Variants in LYST observed in about 807,000 individuals in gnomAD.
LYST encodes lysosomal trafficking regulator, also known as lysosomal-trafficking regulator.
In LYST, 192 loss-of-function variants were observed where a neutral mutation model predicts 413.6. The ratio of observed to expected loss-of-function variants is 0.46; its 90% confidence interval spans 0.41 to 0.52. The LOEUF is 0.52. Among genes scored for constraint, LYST ranks in the 20% least tolerant of loss-of-function variants. The probability of loss-of-function intolerance (pLI) is 0.00; values close to 1 mark genes in which losing one functional copy is unlikely to be tolerated. For missense variants in LYST, 3,815 were observed against 4,499.9 expected (o/e 0.85, Z 4.35); for synonymous variants, 1,525 against 1,567.3 (o/e 0.97, Z 0.64).
chr1:235,876,952 G>GC (rs1463596977), intron 1 of LYST, among the ~76,000 whole-genome samples: 1 of 152,190 alleles, frequency 6.6e-6, no homozygotes, highest in Non-Finnish European at 1.5e-5. Context: ...AGGTACAAAA[G>GC]CTTATCTGAT....
chr1:235,754,738 A>T (rs1274118884), intron 25 of LYST, among the ~76,000 whole-genome samples: 1 of 152,144 alleles, frequency 6.6e-6, no homozygotes, highest in Non-Finnish European at 1.5e-5. Flanking sequence ...AAGGTGACCA[A>T]AAGATTTCGT....
chr1:235,847,704 C>T (rs1336150349), intron 1 of LYST, among the ~76,000 whole-genome samples: 1 of 152,128 alleles, frequency 6.6e-6, no homozygotes, highest in Non-Finnish European at 1.5e-5. Flanking sequence ...TGGGAAAAGG[C>T]ATTTCATGCA....
intron 50 of LYST, 122 bp downstream of exon 50, chr1:235,676,969 G>A (rs776051229): frequency 1.1e-5 from 8 of 754,782 alleles, no homozygotes; most frequent in East Asian, 2.5e-5. Context: ...CATACATGCT[G>A]TTACCAAAGT....
At chr1:235,723,409 G>C (rs1572074001) in intron 39 of LYST, among the ~76,000 whole-genome samples, 1 of 152,228 alleles carries the variant, frequency 6.6e-6, no homozygotes, top group African/African-American at 2.4e-5. Context: ...TGAGGAAGGA[G>C]CCCTGCAACA....
At chr1:235,882,198 A>G (rs893259245) in intron 1 of LYST, among the ~76,000 whole-genome samples, 6 of 151,958 alleles carry the variant, frequency 3.9e-5, no homozygotes, top group African/African-American at 1.5e-4. Context: ...AAAAAAGAGG[A>G]GGAGTTTGGC....
intron 44 of LYST, among the ~76,000 whole-genome samples, chr1:235,703,672 T>C (rs1661725355): frequency 6.6e-6 from 1 of 152,156 alleles, no homozygotes; most frequent in East Asian, 1.9e-4. Context: ...AATGCCAAAA[T>C]AAAATTCCAA....
intron 40 of LYST, 133 bp from the exon 41 acceptor site, chr1:235,716,911 T>C: frequency 1.7e-6 from 1 of 603,048 alleles, no homozygotes; most frequent in South Asian, 2.2e-5. Context: ...CTTAAACATA[T>C]TGTTTTGTAA....
In LYST at chr1:235,741,521, C is replaced by G; in HGVS notation, c.8259G>C (p.Ser2753=). The change falls in exon 31 of 53, where the codon TCG becomes TCC. Residue 2753 remains serine, a synonymous_variant. Transcript: ENST00000389793. ...QLGRLLVHIL[S]PAHAAQERKQ... Reference sequence around the variant, plus strand: ...TTCTCTCTTGTGCAGCGTGGGCTGGCGACAAAATATGCACTAGTAGTCTCC... The same window carrying G: ...TTCTCTCTTGTGCAGCGTGGGCTGGGGACAAAATATGCACTAGTAGTCTCC... 1 of 1,613,864 alleles carries G rather than the reference C, an allele frequency of 6.2e-7. No homozygotes were observed. The highest frequency in any genetic ancestry group is 1.3e-5 in the African/African-American group (1 of 74,970).
At position 235,759,004 on chromosome 1, in the gene LYST, C is replaced by T. The variant is rs1335769893; in HGVS notation, c.6849G>A (p.Glu2283=). The change falls in exon 23 of 53, where the codon GAG becomes GAA. Residue 2283 remains glutamate (E), a synonymous_variant. Coordinates refer to ENST00000389793, the MANE Select transcript of LYST (RefSeq NM_000081.4). The part of the protein sequence containing the change: ...WENFAYSLGY[E]PNYNRTASAH... ...CACTTGCAGTTCGGTTGTAATTTGG[C>T]TCATAACCAAGAGAATAGGCAAAGT... is the stretch of plus-strand genomic sequence containing the variant. 4 of 1,613,866 alleles carry T rather than the reference C, an allele frequency of 2.5e-6. No homozygotes were observed. The highest frequency in any genetic ancestry group is 1.1e-5 in the South Asian group (1 of 91,082).
chr1:235,843,877 G>A (rs1225386167), intron 1 of LYST, among the ~76,000 whole-genome samples: 1 of 152,080 alleles, frequency 6.6e-6, no homozygotes, highest in African/African-American at 2.4e-5. Flanking sequence ...TTCACCAAAT[G>A]CCAAAAAATC....
At chr1:235,844,060 A>G (rs1300640004) in intron 1 of LYST, among the ~76,000 whole-genome samples, 2 of 152,242 alleles carry the variant, frequency 1.3e-5, no homozygotes, top group Non-Finnish European at 2.9e-5. Flanking sequence ...GTACAGAATA[A>G]TAAGTGCCCA....
chr1:235,676,306 G>A (rs1193010499), intron 50 of LYST, among the ~76,000 whole-genome samples: 1 of 152,078 alleles, frequency 6.6e-6, no homozygotes, highest in Non-Finnish European at 1.5e-5. Context: ...ATTTACGGGA[G>A]GCCAATGTTT....
At chr1:235,820,273 C>A (rs946975714) in intron 3 of LYST, among the ~76,000 whole-genome samples, 1 of 152,142 alleles carries the variant, frequency 6.6e-6, no homozygotes, top group Non-Finnish European at 1.5e-5. Context: ...CAGATGGGCA[C>A]CAGATGGCTA....
Position 235,709,208 on chromosome 1 carries a change from C to T in LYST, c.10026G>A (p.Arg3342=). The change falls in exon 44 of 53, where the codon CGG becomes CGA. Residue 3342 remains arginine, a synonymous_variant. Coordinates refer to ENST00000389793, the MANE Select transcript of LYST (RefSeq NM_000081.4). ...NDPRLFILIH[R]QALESDYVSQ... ...ACACGTAGTCAGACTCTAGAGCCTG[C>T]CGATGGATGAGGATAAAAAGACGAG... is the stretch of plus-strand genomic sequence containing the variant. 6.2e-7 allele frequency: 1 copy of T among 1,614,004 alleles called. No homozygotes were observed. Among genetic ancestry groups the T allele is most frequent in the Non-Finnish European group, 8.5e-7 (1 of 1,179,950 alleles).
chr1:235,728,751 G>GTGAAGTAA (rs1664113330), intron 37 of LYST, among the ~76,000 whole-genome samples: 1 of 152,196 alleles, frequency 6.6e-6, no homozygotes, highest in African/African-American at 2.4e-5. Context: ...TAGTGAAGTA[G>GTGAAGTAA]TGGCATGGCT....
At chr1:235,725,290 C>G (rs1451542696) in intron 38 of LYST, among the ~76,000 whole-genome samples, 4 of 151,820 alleles carry the variant, frequency 2.6e-5, no homozygotes, top group Non-Finnish European at 5.9e-5. Context: ...AAAAATTAGT[C>G]GGGAGTGATG....
chr1:235,725,958 TA>T lies in LYST; in HGVS notation c.9163-1779del, dbSNP rs542886319. ...CCAAAGTACAAAATCAAGAAAAACT[TA>T]AAAAAAATGCATCTTAATCTTTTGT... On this transcript the variant is annotated intron_variant, in intron 38 of 52. Transcript: ENST00000389793. 7.9e-5 allele frequency among the ~76,000 whole-genome samples: 12 copies of T among 151,816 alleles called. No homozygotes were observed. The South Asian group carries it at 1.3e-3, about 16-fold the overall frequency.
chr1:235,772,412 GT>G (rs923704814), intron 19 of LYST, among the ~76,000 whole-genome samples: 13 of 147,730 alleles, frequency 8.8e-5, no homozygotes, highest in Admixed American at 1.4e-4. Flanking sequence ...AGACAATCTA[GT>G]TTTTTTTTTG....
chr1:235,763,607 C>T (rs532569397), intron 21 of LYST, among the ~76,000 whole-genome samples: 2 of 150,522 alleles, frequency 1.3e-5, no homozygotes, highest in South Asian at 2.2e-4. Flanking sequence ...TGTGCCACCA[C>T]GCCCAGCAAC....
Sources: allele counts gnomAD v4.1 joint callset (sites outside exome capture counted in the v4.1 genomes callset), GRCh38; gene constraint gnomAD v4.1.1; transcripts MANE v1.5; gene names NCBI Gene and HGNC (gene_info 2026-07-23, HGNC 2026-07-21).